The following CTNNA3 variants were observed in gnomAD, a reference collection of about 807,000 sequenced individuals.
CTNNA3 encodes catenin alpha-3.
A neutral mutation model predicts 95.7 loss-of-function variants in CTNNA3; 76 were observed. The observed-to-expected ratio is 0.79, with a 90% confidence interval of 0.66 to 0.96. The LOEUF (loss-of-function observed/expected upper bound fraction) is 0.96, where lower values mean the gene tolerates loss of function less well. Ranked by LOEUF, CTNNA3 falls within the 40% of genes least tolerant of loss-of-function variation. The pLI, the probability that CTNNA3 is intolerant of heterozygous loss-of-function variation, is 0.00. For synonymous variants in CTNNA3, 431 were observed against 374.4 expected, an observed-to-expected ratio of 1.15 and a Z score of -1.74; for missense variants, 1,191 against 1,089.8, an observed-to-expected ratio of 1.09 and a Z score of -1.31.
At chr10:67,684,304 G>C (rs984980716) in intron 1 of CTNNA3, among the ~76,000 whole-genome samples, 1 of 152,096 alleles carries the variant, frequency 6.6e-6, no homozygotes, top group African/African-American at 2.4e-5. Context: ...GTGCTGATTG[G>C]TGCATTTTTG....
rs1357883393 is a variant in CTNNA3 at position 67,388,149 on chromosome 10, T to A, written c.579+133693A>T. Among the ~76,000 whole-genome samples the A allele has an allele frequency of 1.0e-4, 13 of 124,316 alleles. 1 individual carries two copies. Among genetic ancestry groups the A allele is most frequent in the Admixed American group, 1.0e-3 (12 of 11,856 alleles). 81.6% of individuals were successfully genotyped at this position (124,316 alleles called of 152,430 possible). ...GACATTCAAACCAAAGGCAAAGAAG[T>A]TGAAAACTTTGAAAAAAATTTAGAA... On this transcript the variant is annotated intron_variant, in intron 5 of 17. Coordinates refer to ENST00000433211, the MANE Select transcript of CTNNA3 (RefSeq NM_013266.4).
chr10:67,499,405 T>C (rs1212250475), intron 5 of CTNNA3, among the ~76,000 whole-genome samples: 1 of 152,214 alleles, frequency 6.6e-6, no homozygotes, highest in Non-Finnish European at 1.5e-5. Flanking sequence ...TTTTTTGTTG[T>C]GTCTCTGCCA....
chr10:67,650,338 T>C (rs1283614223), intron 1 of CTNNA3, among the ~76,000 whole-genome samples: 1 of 152,154 alleles, frequency 6.6e-6, no homozygotes, highest in Non-Finnish European at 1.5e-5. Context: ...AAGAGATGGC[T>C]TAATAAAGGG....
intron 9 of CTNNA3, among the ~76,000 whole-genome samples, chr10:66,661,361 A>C (rs1386333093): frequency 6.6e-6 from 1 of 152,058 alleles, no homozygotes; most frequent in Admixed American, 6.5e-5. Context: ...GGTTCTTGTG[A>C]GACTGATTCG....
intron 11 of CTNNA3, among the ~76,000 whole-genome samples, chr10:66,407,661 A>T (rs1262860212): frequency 6.6e-6 from 1 of 150,912 alleles, no homozygotes; most frequent in Non-Finnish European, 1.5e-5. Context: ...GCTCACTATC[A>T]CCTCTGACTC....
chr10:66,432,999 T>G (rs756106101), intron 11 of CTNNA3, among the ~76,000 whole-genome samples: 23 of 152,230 alleles, frequency 1.5e-4, no homozygotes, highest in Non-Finnish European at 3.1e-4. Context: ...TATGGCTGCA[T>G]AGTATTCTAT....
chr10:67,408,153 T>C (rs1845211330), intron 5 of CTNNA3, among the ~76,000 whole-genome samples: 1 of 152,236 alleles, frequency 6.6e-6, no homozygotes, highest in Non-Finnish European at 1.5e-5. Flanking sequence ...GTTTTGAAAA[T>C]GGCCATACTG....
chr10:67,706,170 C>G (rs1299474372), intron 1 of CTNNA3, among the ~76,000 whole-genome samples: 3 of 152,020 alleles, frequency 2.0e-5, no homozygotes, highest in African/African-American at 7.2e-5. Flanking sequence ...AGCCGAAACT[C>G]TCCAGTTAGG....
At chr10:67,004,547 CT>C (rs200806044) in intron 7 of CTNNA3, among the ~76,000 whole-genome samples, 21 of 151,332 alleles carry the variant, frequency 1.4e-4, no homozygotes, top group Non-Finnish European at 2.7e-4. Flanking sequence ...ATATTTGTGG[CT>C]TTTTTTTTCA....
intron 15 of CTNNA3, among the ~76,000 whole-genome samples, chr10:66,017,564 C>T (rs962391824): frequency 1.3e-5 from 2 of 152,058 alleles, no homozygotes; most frequent in African/African-American, 4.8e-5. Flanking sequence ...AGTGCTATAG[C>T]TGTGAAAATT....
chr10:66,518,350 T>A (rs1191273451), intron 11 of CTNNA3, among the ~76,000 whole-genome samples: 1 of 152,150 alleles, frequency 6.6e-6, no homozygotes, highest in Non-Finnish European at 1.5e-5. Flanking sequence ...CAGAGTATTC[T>A]CCCTATGTGC....
chr10:66,751,150 C>T (rs1839121808), intron 9 of CTNNA3, among the ~76,000 whole-genome samples: 1 of 151,966 alleles, frequency 6.6e-6, no homozygotes, highest in Non-Finnish European at 1.5e-5. Flanking sequence ...TGCCTGTAAT[C>T]CCACCTACTC....
At chr10:66,712,007 A>T (rs1848312267) in intron 9 of CTNNA3, among the ~76,000 whole-genome samples, 1 of 152,102 alleles carries the variant, frequency 6.6e-6, no homozygotes, top group Non-Finnish European at 1.5e-5. Flanking sequence ...TTGCTAGGCA[A>T]AACCTAGCAA....
rs546520756 is a variant in CTNNA3 at position 67,717,905 on chromosome 10, G to C, written c.-2+45529C>G. On this transcript the variant is annotated intron_variant, in intron 1 of 17. Transcript: ENST00000684154. ...TAGCATTAAATCTATAAATTACTTT[G>C]GGCAGTATGGCCATTTTCACAATAT... is the stretch of plus-strand genomic sequence containing the variant. Among the ~76,000 whole-genome samples, 3 of 152,126 alleles carry C rather than the reference G, an allele frequency of 2.0e-5. No homozygotes were observed. The East Asian group carries it at 5.8e-4, about 29-fold the overall frequency.
intron 11 of CTNNA3, among the ~76,000 whole-genome samples, chr10:66,403,340 G>GATAAAGAT (rs2093034359): frequency 1.3e-5 from 2 of 152,100 alleles, no homozygotes; most frequent in Admixed American, 6.5e-5. Flanking sequence ...AGACATACCT[G>GATAAAGAT]TGACCAGGTA....
chr10:67,384,233 G>A (rs1301306385), intron 5 of CTNNA3, among the ~76,000 whole-genome samples: 1 of 152,070 alleles, frequency 6.6e-6, no homozygotes, highest in Admixed American at 6.5e-5. Flanking sequence ...CACTGTGGTG[G>A]CTGCAAATTT....
chr10:67,324,633 G>T (rs1841465892), intron 5 of CTNNA3, among the ~76,000 whole-genome samples: 1 of 151,576 alleles, frequency 6.6e-6, no homozygotes, highest in African/African-American at 2.4e-5. Flanking sequence ...GCTGGATTCA[G>T]TTTACCAGTA....
At chr10:66,950,086 C>T (rs550493052) in intron 7 of CTNNA3, among the ~76,000 whole-genome samples, 2 of 152,254 alleles carry the variant, frequency 1.3e-5, no homozygotes, top group East Asian at 1.9e-4. Flanking sequence ...ACTCTTTGAA[C>T]GTCTCCTTCA....
At chr10:67,230,186 A>G (rs1865122009) in intron 5 of CTNNA3, among the ~76,000 whole-genome samples, 1 of 152,202 alleles carries the variant, frequency 6.6e-6, no homozygotes, top group African/African-American at 2.4e-5. Context: ...AAGCCAACTC[A>G]TCTTTCACAA....
Sources: allele counts gnomAD v4.1 joint callset (sites outside exome capture counted in the v4.1 genomes callset), GRCh38; gene constraint gnomAD v4.1.1; transcripts MANE v1.5; gene names NCBI Gene and HGNC (gene_info 2026-07-23, HGNC 2026-07-21).